MBD5: variants seen among roughly 807,000 people sequenced by gnomAD.
MBD5 encodes the protein methyl-CpG binding domain protein 5.
In MBD5, 13 loss-of-function variants were observed where a neutral mutation model predicts 117.3. The observed-to-expected ratio is 0.11, with a 90% CI of 0.07 to 0.18. The LOEUF is 0.18. MBD5 is among the 10% of genes least tolerant of loss of function. The probability of loss-of-function intolerance (pLI) is 1.00; values close to 1 mark genes in which losing one functional copy is unlikely to be tolerated. For synonymous variants in MBD5, 727 were observed against 766.4 expected (o/e 0.95, Z 0.85); for missense variants, 1,879 against 2,093.8 (o/e 0.90, Z 2.00).
chr2:148,168,289 T>C (rs1698175890), intron 1 of MBD5, among the ~76,000 whole-genome samples: 1 of 152,182 alleles, frequency 6.6e-6, no homozygotes. Context: ...AGGATGAACC[T>C]GAACAGTGAA....
chr2:148,443,357 T>C (rs1414640730), intron 4 of MBD5, among the ~76,000 whole-genome samples: 3 of 151,222 alleles, frequency 2.0e-5, no homozygotes, highest in African/African-American at 7.4e-5. Flanking sequence ...AAACTAAAAA[T>C]GGAGCTACCA....
intron 1 of MBD5, among the ~76,000 whole-genome samples, chr2:148,049,789 A>G (rs2105747905): frequency 6.6e-6 from 1 of 152,222 alleles, no homozygotes; most frequent in South Asian, 2.1e-4. Context: ...CTTATTCTGG[A>G]CATTTCATAT....
chr2:148,101,798 A>G (rs1031013356), intron 1 of MBD5, among the ~76,000 whole-genome samples: 77 of 152,226 alleles, frequency 5.1e-4, no homozygotes, highest in African/African-American at 1.8e-3. Flanking sequence ...AATTAAAAAC[A>G]CAATATATTA....
intron 1 of MBD5, among the ~76,000 whole-genome samples, chr2:148,144,518 T>G (rs1697400180): frequency 1.3e-5 from 2 of 152,234 alleles, no homozygotes; most frequent in African/African-American, 4.8e-5. Context: ...ATGAAGTCCT[T>G]GCCCATGCCT....
intron 3 of MBD5, chr2:148,264,316 A>AGAAGAAGAAGAAGAAGAAGAG: frequency 6.6e-6 from 1 of 150,630 alleles, no homozygotes; most frequent in South Asian, 2.2e-4. Flanking sequence ...AAGAAGAAGA[A>AGAAGAAGAAGAAGAAGAAGAG]GAAGAGGAAG....
intron 1 of MBD5, among the ~76,000 whole-genome samples, chr2:148,168,147 C>T (rs1056489843): frequency 1.3e-5 from 2 of 152,106 alleles, no homozygotes; most frequent in Non-Finnish European, 2.9e-5. Flanking sequence ...ATGAATTATC[C>T]ATTCATCAAA....
chr2:148,055,228 G>C (rs928116755), intron 1 of MBD5: 1 of 151,874 alleles, frequency 6.6e-6, no homozygotes, highest in Non-Finnish European at 1.5e-5. Context: ...GTGTGTGTGC[G>C]TGTATTGTGT....
intron 4 of MBD5, among the ~76,000 whole-genome samples, chr2:148,454,405 C>A (rs542136025): frequency 6.6e-6 from 1 of 152,208 alleles, no homozygotes; most frequent in South Asian, 2.1e-4. Flanking sequence ...ATATCTGCAA[C>A]AGAGATAGAT....
intron 8 of MBD5, among the ~76,000 whole-genome samples, chr2:148,474,145 T>TGTGAGTAG (rs1222976227): frequency 6.6e-6 from 1 of 152,174 alleles, no homozygotes; most frequent in African/African-American, 2.4e-5. Context: ...CATTTCAGCA[T>TGTGAGTAG]GTGAGTAGCT....
chr2:148,039,194 TTTTC>T (rs1343807180), intron 1 of MBD5, among the ~76,000 whole-genome samples: 2 of 152,100 alleles, frequency 1.3e-5, no homozygotes, highest in Admixed American at 6.6e-5. Flanking sequence ...AGAAAAATCT[TTTTC>T]TTTAGGTATC....
intron 2 of MBD5, among the ~76,000 whole-genome samples, chr2:148,210,820 A>G (rs1048418202): frequency 1.3e-4 from 20 of 152,056 alleles, no homozygotes; most frequent in African/African-American, 4.6e-4. Context: ...TTACATATAT[A>G]CTTTTTTCAC....
chr2:148,145,250 G>A (rs1462506238), intron 1 of MBD5, among the ~76,000 whole-genome samples: 1 of 152,080 alleles, frequency 6.6e-6, no homozygotes, highest in African/African-American at 2.4e-5. Flanking sequence ...CTCTCTGTTT[G>A]TCTGTTATTG....
At chr2:148,415,296 C>T (rs904294322) in intron 4 of MBD5, among the ~76,000 whole-genome samples, 1 of 152,022 alleles carries the variant, frequency 6.6e-6, no homozygotes, top group Non-Finnish European at 1.5e-5. Flanking sequence ...TATAAGCCCC[C>T]AGTCTCTTCT....
chr2:148,043,861 T>C (rs1694444204), intron 1 of MBD5, among the ~76,000 whole-genome samples: 1 of 152,232 alleles, frequency 6.6e-6, no homozygotes, highest in African/African-American at 2.4e-5. Context: ...GTAAAACATA[T>C]TTATTTGCTC....
intron 3 of MBD5, among the ~76,000 whole-genome samples, chr2:148,297,073 C>T (rs946828425): frequency 1.7e-4 from 26 of 151,706 alleles, no homozygotes; most frequent in African/African-American, 5.6e-4. Context: ...GTAGTAGAAA[C>T]GGGGTTTCAC....
intron 3 of MBD5, among the ~76,000 whole-genome samples, chr2:148,323,277 G>A (rs1003800310): frequency 3.9e-5 from 6 of 152,076 alleles, no homozygotes; most frequent in Admixed American, 3.9e-4. Context: ...CCAAGTCTTT[G>A]CTATTCTGAA....
At chr2:148,026,268 T>A (rs1263079990) in intron 1 of MBD5, 1 of 152,218 alleles carries the variant, frequency 6.6e-6, no homozygotes, top group Non-Finnish European at 1.5e-5. Flanking sequence ...ACAGTCACAG[T>A]AGAGTTTTTA....
At position 148,513,058 on chromosome 2, in the gene MBD5, C is replaced by G. The variant is rs1682265596; in HGVS notation, c.*117C>G. The G allele has an allele frequency of 3.8e-6, 4 of 1,040,314 alleles. No individual in the cohort carries two copies. Among genetic ancestry groups the G allele is most frequent in the Non-Finnish European group, 5.9e-6 (4 of 677,970 alleles). The allele number at this position is 1,040,314 out of a possible 1,614,324, so 64.4% of individuals were successfully genotyped here. A position where few individuals can be genotyped will look rare whatever the true frequency, so the allele number is the denominator to read the frequency against. On this transcript the variant is annotated 3_prime_UTR_variant, in exon 14 of 14. Transcript: ENST00000642680. ...ATATTTAGACTATGGCAGATAGCTA[C>G]CACCACCACAGGGTGCTAAAAGAAA... is the stretch of plus-strand genomic sequence containing the variant.
At chr2:148,428,337 A>G (rs1705873127) in intron 4 of MBD5, among the ~76,000 whole-genome samples, 1 of 152,174 alleles carries the variant, frequency 6.6e-6, no homozygotes, top group African/African-American at 2.4e-5. Context: ...TGCTCAAGGA[A>G]ATAAGAGAGG....
Sources: allele counts gnomAD v4.1 joint callset (sites outside exome capture counted in the v4.1 genomes callset), GRCh38; gene constraint gnomAD v4.1.1; transcripts MANE v1.5; gene names NCBI Gene and HGNC (gene_info 2026-07-23, HGNC 2026-07-21).